The following LOXL2 variants were observed in gnomAD, a reference collection of about 807,000 sequenced individuals.
The protein encoded by LOXL2 is lysyl oxidase like 2.
Under a neutral mutation model 93.0 loss-of-function variants are expected in LOXL2, and 70 were observed. The observed-to-expected ratio is 0.75, with a 90% confidence interval of 0.62 to 0.92. LOXL2 has a LOEUF of 0.92. Among genes scored for constraint, LOXL2 ranks in the 40% least tolerant of loss-of-function variants. The pLI is 0.00. For synonymous variants in LOXL2, 438 were observed against 413.2 expected, an observed-to-expected ratio of 1.06 and a Z score of -0.73; for missense variants, 973 against 1,054.9, an observed-to-expected ratio of 0.92 and a Z score of 1.08.
intron 1 of LOXL2, among the ~76,000 whole-genome samples, chr8:23,402,231 GC>G (rs1800161262): frequency 6.6e-6 from 1 of 151,716 alleles, no homozygotes; most frequent in African/African-American, 2.4e-5. Flanking sequence ...ACACACCGGT[GC>G]ACACACATAC....
intron 10 of LOXL2, among the ~76,000 whole-genome samples, chr8:23,308,789 C>CT (rs948339958): frequency 3.3e-5 from 5 of 152,124 alleles, no homozygotes; most frequent in Non-Finnish European, 7.3e-5. Flanking sequence ...GGTCCACAGA[C>CT]TGACAGAGCT....
intron 5 of LOXL2, among the ~76,000 whole-genome samples, chr8:23,331,246 G>T (rs942026698): frequency 6.6e-6 from 1 of 152,096 alleles, no homozygotes; most frequent in East Asian, 1.9e-4. Flanking sequence ...CATGGCTGGG[G>T]GAAAGCTGGT....
chr8:23,334,543 C>G (rs957707330), intron 4 of LOXL2, among the ~76,000 whole-genome samples: 5 of 152,226 alleles, frequency 3.3e-5, no homozygotes, highest in African/African-American at 1.2e-4. Context: ...CTTCCTGCAC[C>G]CAGGAAGATC....
intron 10 of LOXL2, among the ~76,000 whole-genome samples, chr8:23,307,523 T>C (rs544872017): frequency 3.3e-4 from 50 of 152,300 alleles, no homozygotes; most frequent in African/African-American, 1.2e-3. Context: ...ATTTCCAGGA[T>C]GTCACCATGT....
intron 1 of LOXL2, among the ~76,000 whole-genome samples, chr8:23,390,619 G>A (rs1804830747): frequency 6.6e-6 from 1 of 152,214 alleles, no homozygotes; most frequent in South Asian, 2.1e-4. Flanking sequence ...CTGTTTCCTG[G>A]GAAGGCTGAA....
At chr8:23,332,450 GACAC>G (rs1803705049) in intron 5 of LOXL2, among the ~76,000 whole-genome samples, 1 of 98,238 alleles carries the variant, frequency 1.0e-5, no homozygotes, top group African/African-American at 4.1e-5. Flanking sequence ...CACTCCTACA[GACAC>G]ACCCACACAC....
chr8:23,366,538 GAGAC>G (rs754644601), intron 2 of LOXL2, among the ~76,000 whole-genome samples: 35 of 152,246 alleles, frequency 2.3e-4, no homozygotes, highest in Non-Finnish European at 4.7e-4. Context: ...ACTTCCAAAA[GAGAC>G]AGAGTCCTGG....
intron 6 of LOXL2, among the ~76,000 whole-genome samples, chr8:23,324,855 C>T (rs1001475696): frequency 3.3e-5 from 5 of 152,174 alleles, no homozygotes; most frequent in African/African-American, 9.7e-5. Flanking sequence ...GGACATGTCA[C>T]GGGTTCTGCA....
At chr8:23,317,431 A>C (rs1423187081) in intron 8 of LOXL2, among the ~76,000 whole-genome samples, 1 of 152,176 alleles carries the variant, frequency 6.6e-6, no homozygotes, top group Non-Finnish European at 1.5e-5. Context: ...CCCACTCCCC[A>C]GTCCTGATCC....
chr8:23,384,989 G>A (rs986347885), intron 1 of LOXL2, among the ~76,000 whole-genome samples: 1 of 152,204 alleles, frequency 6.6e-6, no homozygotes, highest in Non-Finnish European at 1.5e-5. Flanking sequence ...GTGCAAAGAG[G>A]CAATTTGCTG....
chr8:23,317,834 G>T (rs1044756486), intron 8 of LOXL2, among the ~76,000 whole-genome samples: 5 of 152,118 alleles, frequency 3.3e-5, no homozygotes, highest in Non-Finnish European at 7.3e-5. Flanking sequence ...GAAACGGGAT[G>T]AGAACACAGG....
At chr8:23,303,154 G>A (rs1010809418) in intron 11 of LOXL2, 128 bp downstream of exon 11, 2 of 694,360 alleles carry the variant, frequency 2.9e-6, no homozygotes, top group African/African-American at 3.5e-5. Context: ...AGGTCCAGGT[G>A]GGGAAAGGTG....
Position 23,383,647 on chromosome 8 carries a change from TTTTTTTTTTG to T in LOXL2, c.-83-15223_-83-15214del, listed in dbSNP as rs1460011119. On this transcript the variant is annotated intron_variant, in intron 1 of 13. Transcript: ENST00000389131. The stretch of plus-strand genomic sequence containing the variant: ...TTATTTCTAAGAGGGCACTTTTACG[TTTTTTTTTTG>T]TTTTTTTTTTTTTTTTTTTTTGAGA... 4.2e-3 allele frequency among the ~76,000 whole-genome samples: 106 copies of T among 25,400 alleles called. 2 individuals are homozygous for T. Among genetic ancestry groups the T allele is most frequent in the African/African-American group, 0.023 (83 of 3,540 alleles). 16.7% of individuals were successfully genotyped at this position (25,400 alleles called of 152,430 possible).
At chr8:23,348,674 G>A (rs987149531) in intron 3 of LOXL2, among the ~76,000 whole-genome samples, 2 of 152,048 alleles carry the variant, frequency 1.3e-5, no homozygotes, top group South Asian at 2.1e-4. Flanking sequence ...CCAGGAGATC[G>A]AGACCATCCC....
intron 7 of LOXL2, chr8:23,321,805 G>A (rs375638120): frequency 5.0e-5 from 14 of 281,212 alleles, no homozygotes; most frequent in Admixed American, 4.8e-5. Flanking sequence ...AGGCTGCACC[G>A]TGTTTTGATA....
chr8:23,375,369 T>G (rs1804571156), intron 1 of LOXL2, among the ~76,000 whole-genome samples: 1 of 152,122 alleles, frequency 6.6e-6, no homozygotes, highest in Non-Finnish European at 1.5e-5. Context: ...TAGTTTGAAG[T>G]CAGGTAGCTT....
chr8:23,328,708 GA>G, intron 5 of LOXL2, 143 bp from the exon 6 acceptor site: 1 of 422,714 alleles, frequency 2.4e-6, no homozygotes. Flanking sequence ...TTGATGTATG[GA>G]TGTGTGTGTG....
intron 3 of LOXL2, among the ~76,000 whole-genome samples, chr8:23,341,837 G>A (rs986909354): frequency 7.2e-5 from 11 of 152,164 alleles, no homozygotes; most frequent in African/African-American, 1.4e-4. Flanking sequence ...GGTGTTGAGC[G>A]TGCTGTGTGC....
chr8:23,306,533 T>G (rs930729151), intron 10 of LOXL2, among the ~76,000 whole-genome samples: 1 of 152,214 alleles, frequency 6.6e-6, no homozygotes, highest in Admixed American at 6.5e-5. Context: ...ACAGATGCGA[T>G]GAGGGCCTCA....
Sources: gnomAD v4.1 joint callset for allele counts (sites outside exome capture counted in the v4.1 genomes callset) on GRCh38, gnomAD v4.1.1 for gene constraint, MANE v1.5 for transcripts, NCBI Gene and HGNC (gene_info 2026-07-23, HGNC 2026-07-21) for gene names.